The following VPS13B variants were observed in gnomAD, a reference collection of about 807,000 sequenced individuals.
VPS13B encodes vacuolar protein sorting 13 homolog B.
A neutral mutation model predicts 426.4 loss-of-function variants in VPS13B; 285 were observed. The observed-to-expected ratio is 0.67, with a 90% CI of 0.61 to 0.74. VPS13B has a LOEUF of 0.74. Ranked by LOEUF, VPS13B falls within the 30% of genes least tolerant of loss-of-function variation. The probability of loss-of-function intolerance (pLI) is 0.00; values close to 1 mark genes in which losing one functional copy is unlikely to be tolerated. For missense variants in VPS13B, 4,537 were observed against 4,782.6 expected, an observed-to-expected ratio of 0.95 and a Z score of 1.51; for synonymous variants, 1,676 against 1,676.4, an observed-to-expected ratio of 1.00 and a Z score of 0.01.
At chr8:99,761,791 T>G (rs1810942448) in intron 39 of VPS13B, among the ~76,000 whole-genome samples, 1 of 152,334 alleles carries the variant, frequency 6.6e-6, no homozygotes, top group East Asian at 1.9e-4. Flanking sequence ...TACTTGTGTT[T>G]ATGCAACATT....
intron 34 of VPS13B, 38 bp from the exon 35 acceptor site, chr8:99,661,316 T>A: frequency 1.2e-6 from 2 of 1,612,310 alleles, no homozygotes; most frequent in Non-Finnish European, 1.7e-6. Context: ...ATATTTGTGA[T>A]GTAACTGATG....
chr8:99,294,172 A>G (rs1366002315), intron 19 of VPS13B, among the ~76,000 whole-genome samples: 1 of 64,178 alleles, frequency 1.6e-5, no homozygotes, highest in Admixed American at 1.1e-4. Context: ...TGGATTAAGA[A>G]AATATGGCAC....
chr8:99,393,550 A>G (rs1425263004), intron 21 of VPS13B, among the ~76,000 whole-genome samples: 3 of 152,144 alleles, frequency 2.0e-5, no homozygotes, highest in East Asian at 1.9e-4. Flanking sequence ...GAACCATCAG[A>G]TATCCTATAG....
chr8:99,462,444 T>C (rs1043026448), intron 23 of VPS13B, among the ~76,000 whole-genome samples: 5 of 152,104 alleles, frequency 3.3e-5, no homozygotes, highest in East Asian at 1.9e-4. Context: ...ATCTTGGCCA[T>C]TCTTTCTGAA....
intron 19 of VPS13B, among the ~76,000 whole-genome samples, chr8:99,310,753 G>C (rs1192108539): frequency 2.0e-5 from 3 of 152,144 alleles, no homozygotes; most frequent in Non-Finnish European, 4.4e-5. Context: ...AATAGTTTCA[G>C]AAGGAATGGT....
rs1588812340 is a variant in VPS13B, at chr8:99,871,699, T to G, written c.11745+2T>G. The G allele has an allele frequency of 1.2e-6, 2 of 1,613,236 alleles. No homozygotes were observed. ...CCAAGAGTGGCCTGTGATGTGGAGG[T>G]ACGTTTCAGAAAACAGGGCAACCAA... On this transcript the variant is annotated splice_donor_variant, in intron 61 of 61. Coordinates refer to ENST00000357162, the MANE Select transcript of VPS13B (RefSeq NM_152564.5). LOFTEE classifies it high-confidence loss of function.
chr8:99,219,971 A>G (rs1248406565), intron 17 of VPS13B, among the ~76,000 whole-genome samples: 1 of 152,192 alleles, frequency 6.6e-6, no homozygotes, highest in South Asian at 2.1e-4. Context: ...ATGTCTCTCT[A>G]TAAGTTTAAA....
At chr8:99,689,240 G>A (rs1831544499) in intron 35 of VPS13B, among the ~76,000 whole-genome samples, 1 of 151,930 alleles carries the variant, frequency 6.6e-6, no homozygotes, top group South Asian at 2.1e-4. Context: ...ACCATATTTT[G>A]AAATGAAATA....
intron 33 of VPS13B, among the ~76,000 whole-genome samples, chr8:99,593,165 C>T (rs958675672): frequency 1.3e-5 from 2 of 152,034 alleles, no homozygotes; most frequent in African/African-American, 4.8e-5. Context: ...AACTAACCAT[C>T]TGACAAAGGT....
chr8:99,848,949 TG>T, intron 55 of VPS13B, 55 bp downstream of exon 55: 2 of 1,502,300 alleles, frequency 1.3e-6, no homozygotes, highest in Non-Finnish European at 1.9e-6. Flanking sequence ...GTTACAAAGT[TG>T]TAAACTTAGT....
At chr8:99,507,343 A>C in intron 28 of VPS13B, 140 bp downstream of exon 28, 1 of 909,358 alleles carries the variant, frequency 1.1e-6, no homozygotes, top group African/African-American at 1.7e-5. Context: ...AAAATTACAT[A>C]TAAATTTAAA....
intron 40 of VPS13B, among the ~76,000 whole-genome samples, chr8:99,774,267 G>A (rs993814026): frequency 2.0e-5 from 3 of 152,004 alleles, no homozygotes; most frequent in East Asian, 3.8e-4. Context: ...CATTTTAGTC[G>A]GGATTTCAAG....
At chr8:99,510,842 A>C (rs1196707515) in intron 28 of VPS13B, among the ~76,000 whole-genome samples, 1 of 152,140 alleles carries the variant, frequency 6.6e-6, no homozygotes, top group Non-Finnish European at 1.5e-5. Context: ...TGCAGAAGTC[A>C]CAGAAATAGC....
rs981817797 is a variant in VPS13B, at chr8:99,384,283, A to G, written c.2900A>G (p.Gln967Arg). The G allele has an allele frequency of 1.9e-6, 3 of 1,613,856 alleles. No homozygotes were observed. The highest frequency in any genetic ancestry group is 2.7e-5 in the African/African-American group (2 of 74,930). ...ATCTTATATACGTGGCTCATCTATC[A>G]GCCTCAGAAACGAACAAGTAGACAT... ...DPILYTWLIY[Q>R]PQKRTSRHMQ... The change falls in exon 20 of 62, where the codon CAG becomes CGG. Residue 967 changes from glutamine to arginine, a missense_variant. Transcript: ENST00000357162.
At chr8:99,087,157 G>C (rs1486814441) in intron 3 of VPS13B, among the ~76,000 whole-genome samples, 1 of 152,108 alleles carries the variant, frequency 6.6e-6, no homozygotes, top group Admixed American at 6.5e-5. Flanking sequence ...CAGCAATGGC[G>C]GGCGCCCCCT....
chr8:99,382,935 A>G (rs1161553391), intron 19 of VPS13B, among the ~76,000 whole-genome samples: 3 of 152,280 alleles, frequency 2.0e-5, no homozygotes, highest in South Asian at 4.1e-4. Flanking sequence ...ATTCAGTATG[A>G]TGGCATATTT....
At chr8:99,664,530 A>G (rs1181815648) in intron 35 of VPS13B, among the ~76,000 whole-genome samples, 1 of 150,748 alleles carries the variant, frequency 6.6e-6, no homozygotes, top group Non-Finnish European at 1.5e-5. Context: ...ATGTGTTCTC[A>G]CTGTTCAATT....
At chr8:99,311,174 T>G (rs1037598986) in intron 19 of VPS13B, among the ~76,000 whole-genome samples, 5 of 152,196 alleles carry the variant, frequency 3.3e-5, no homozygotes, top group Non-Finnish European at 4.4e-5. Context: ...TTTCCTTCAG[T>G]TCTGCTCTGA....
chr8:99,854,158 CCTT>C lies in VPS13B; in HGVS notation c.10772_10774del (p.Phe3591del), dbSNP rs1554581821. On this transcript the variant is annotated inframe_deletion, in exon 56 of 62. Transcript: ENST00000357162. ...ATAGCCTCAGACCACACTCCTCTCT[CCTT>C]CTCGGTGTTTGAAAGAGGACCCATC... 6.2e-7 allele frequency: 1 copy of C among 1,613,920 alleles called. No individual in the cohort carries two copies. Among genetic ancestry groups the C allele is most frequent in the South Asian group, 1.1e-5 (1 of 91,062 alleles).
Sources: gnomAD v4.1 joint callset for allele counts (sites outside exome capture counted in the v4.1 genomes callset) on GRCh38, gnomAD v4.1.1 for gene constraint, MANE v1.5 for transcripts, NCBI Gene and HGNC (gene_info 2026-07-23, HGNC 2026-07-21) for gene names.